The following DNHD1 variants were observed in gnomAD, a reference collection of about 807,000 sequenced individuals.
DNHD1 encodes dynein heavy chain domain 1, also known as dynein heavy chain domain-containing protein 1.
A neutral mutation model predicts 458.1 loss-of-function variants in DNHD1; 383 were observed. That is an observed-to-expected ratio of 0.84 (90% confidence interval 0.77 to 0.91). DNHD1 has a LOEUF of 0.91. Among genes scored for constraint, DNHD1 ranks in the 40% least tolerant of loss-of-function variants. DNHD1 has a pLI of 0.00. For synonymous variants in DNHD1, 2,203 were observed against 2,376.9 expected (o/e 0.93, Z 2.13); for missense variants, 5,336 against 5,866.1 (o/e 0.91, Z 2.95).
chr11:6,517,717 G>T (rs11040907), intron 7 of DNHD1, among the ~76,000 whole-genome samples: 11 of 122,390 alleles, frequency 9.0e-5, no homozygotes, highest in African/African-American at 3.1e-4. Context: ...TGAGACTGGA[G>T]ACCTCATGAT....
In DNHD1 at chr11:6,563,148, G is replaced by A. The variant is rs537091108; in HGVS notation, c.9669+17G>A. On this transcript the variant is annotated intron_variant, in intron 29 of 42. Transcript: ENST00000254579. The stretch of plus-strand genomic sequence containing the variant: ...CTGGAGCAGGTGGGCTCTTCCTGCC[G>A]CCTGCCCTGCACTGCTCCTCTCTCA... 68 of 1,551,568 alleles carry A rather than the reference G, an allele frequency of 4.4e-5. 1 individual carries two copies. In the Middle Eastern group the frequency reaches 1.0e-3, roughly 23 times the overall value.
chr11:6,538,459 C>G lies in DNHD1; in HGVS notation c.3075C>G (p.Tyr1025Ter). 6.4e-7 allele frequency: 1 copy of G among 1,551,780 alleles called. No homozygotes were observed. The part of the protein sequence containing the change: ...IVQQQRIWHL[Y>*]RVISENISEW... ...AGCAGCAGCGCATATGGCACCTGTA[C>G]CGAGTCATCTCCGAAAACATCAGCG... Residue 1025 changes from tyrosine (Y) to a stop codon, truncating the protein, a stop_gained, in exon 15 of 43, where the codon TAC (tyrosine) becomes TAG (stop). Transcript: ENST00000254579. LOFTEE classifies it high-confidence loss of function.
Position 6,563,147 on chromosome 11 carries a change from C to T in DNHD1, c.9669+16C>T, listed in dbSNP as rs568453824. On this transcript the variant is annotated intron_variant, in intron 29 of 42. Coordinates refer to ENST00000254579, the MANE Select transcript of DNHD1 (RefSeq NM_144666.3). ...CCTGGAGCAGGTGGGCTCTTCCTGC[C>T]GCCTGCCCTGCACTGCTCCTCTCTC... 1.7e-5 allele frequency: 27 copies of T among 1,551,580 alleles called. No homozygotes were observed. The highest frequency in any genetic ancestry group is 3.3e-4 in the Middle Eastern group (2 of 5,990).
rs1853641503 is a variant in DNHD1, at chr11:6,564,057, A to G, written c.10217A>G (p.Gln3406Arg). ...ACCCTCAGTCAAGCACAGTGTGGGC[A>G]GTATCACAAATGGCCCATGAAGGCT... ...AKTLSQAQCGQYHKWPMKAAL... is the reference protein window; with the variant it reads ...AKTLSQAQCGRYHKWPMKAAL... Residue 3406 changes from glutamine (Q) to arginine (R), a missense_variant, in exon 31 of 43, where the codon CAG (glutamine) becomes CGG (arginine). Gln to Arg is a conservative substitution (Grantham distance 43). Transcript: ENST00000254579. 5 of 1,551,602 alleles carry G rather than the reference A, an allele frequency of 3.2e-6. No homozygotes were observed. The highest frequency in any genetic ancestry group is 3.5e-6 in the Non-Finnish European group (4 of 1,147,014).
In DNHD1 at chr11:6,545,440, G is replaced by A. The variant is rs1429381966; in HGVS notation, c.4501G>A (p.Asp1501Asn). 8.4e-6 allele frequency: 13 copies of A among 1,551,742 alleles called. No homozygotes were observed. Among genetic ancestry groups the A allele is most frequent in the Non-Finnish European group, 9.6e-6 (11 of 1,147,046 alleles). ...GCAACTGTATGTCCAGCACTGGATCGACTTAGTCCAGGCCTTCCCATGGCA... is the reference window on the plus strand; with the variant it reads ...GCAACTGTATGTCCAGCACTGGATCAACTTAGTCCAGGCCTTCCCATGGCA... The part of the protein sequence containing the change: ...YLQLYVQHWI[D>N]LVQAFPWQCV... The change falls in exon 21 of 43, where the codon GAC (aspartate) becomes AAC (asparagine). Residue 1501 changes from aspartate to asparagine, a missense_variant. By Grantham distance (23) the Asp-to-Asn change is conservative. Coordinates refer to ENST00000254579, the MANE Select transcript of DNHD1 (RefSeq NM_144666.3). This position sits in a 1 kb window ranked among gnomAD's most constrained non-coding sequence, Gnocchi z 4.9.
chr11:6,568,807 T>C lies in DNHD1; in HGVS notation c.12804T>C (p.His4268=), dbSNP rs770508027. The change falls in exon 39 of 43, where the codon CAT becomes CAC. Residue 4268 remains histidine, a synonymous_variant. Coordinates refer to ENST00000254579, the MANE Select transcript of DNHD1 (RefSeq NM_144666.3). ...AGGCACTACCTCTGCTCCTCCTCCA[T>C]GGCCTCCTGCTACACCGGCAGCTCT... The part of the protein sequence containing the change: ...PTQALPLLLL[H]GLLLHRQLYG... 1.2e-6 allele frequency: 2 copies of C among 1,613,372 alleles called. No individual in the cohort carries two copies. Among genetic ancestry groups the C allele is most frequent in the African/African-American group, 2.7e-5 (2 of 74,992 alleles).
rs567935715 is a variant in DNHD1 at position 6,558,340 on chromosome 11, G to A, written c.9002+43G>A. On this transcript the variant is annotated intron_variant, in intron 25 of 42. Coordinates refer to ENST00000254579, the MANE Select transcript of DNHD1 (RefSeq NM_144666.3). Reference sequence around the variant, plus strand: ...ATATGCGAATCTGCTCTGCTCTTACGCTGTCTTGGCCAAAAGGCCAAAAGG... The same window carrying A: ...ATATGCGAATCTGCTCTGCTCTTACACTGTCTTGGCCAAAAGGCCAAAAGG... The A allele has an allele frequency of 3.3e-6, 5 of 1,537,712 alleles. No individual in the cohort carries two copies. The African/African-American group carries it at 4.1e-5, about 13-fold the overall frequency.
chr11:6,527,709 G>A (rs1012233121), intron 10 of DNHD1, among the ~76,000 whole-genome samples: 1 of 152,250 alleles, frequency 6.6e-6, no homozygotes, highest in South Asian at 2.1e-4. Flanking sequence ...TTCCTAGAGA[G>A]TGAGTACAGT....
In DNHD1 at chr11:6,558,509, C is replaced by T. The variant is rs1265684575; in HGVS notation, c.9027C>T (p.His3009=). The T allele has an allele frequency of 1.9e-6, 3 of 1,551,614 alleles. No homozygotes were observed. In the East Asian group the frequency reaches 7.3e-5, roughly 38 times the overall value. ...LQRFHQQVCS[H]LHLFFLIGDK... is the part of the protein sequence containing the mutation. ...GGTTCCACCAGCAAGTGTGCAGCCA[C>T]CTTCACCTGTTCTTCCTGATTGGAG... is the stretch of plus-strand genomic sequence containing the variant. The change falls in exon 26 of 43, where the codon CAC becomes CAT. Residue 3009 remains histidine (H), a synonymous_variant. Coordinates refer to ENST00000254579, the MANE Select transcript of DNHD1 (RefSeq NM_144666.3).
At chr11:6,551,681 G>C (rs918747026) in intron 24 of DNHD1, among the ~76,000 whole-genome samples, 2 of 152,148 alleles carry the variant, frequency 1.3e-5, no homozygotes, top group African/African-American at 4.8e-5. Context: ...TGTGGCTCAC[G>C]CCTGTAATCC....
At position 6,540,034 on chromosome 11, in the gene DNHD1, C is replaced by T. The variant is rs376703282; in HGVS notation, c.3579C>T (p.Ser1193=). Residue 1193 remains serine (S), a synonymous_variant, in exon 18 of 43, where the codon AGC becomes AGT. Coordinates refer to ENST00000254579, the MANE Select transcript of DNHD1 (RefSeq NM_144666.3). ...SERSKRQVLR[S]PQWEVVDKDS... The stretch of plus-strand genomic sequence containing the variant: ...GCTCCAAGAGGCAGGTGCTCCGCAG[C>T]CCCCAATGGGAGGTAGTGGACAAAG... 37 of 1,551,548 alleles carry T rather than the reference C, an allele frequency of 2.4e-5. No homozygotes were observed. The highest frequency in any genetic ancestry group is 2.5e-5 in the Non-Finnish European group (29 of 1,146,918).
intron 40 of DNHD1, 60 bp downstream of exon 40, chr11:6,570,160 G>A: frequency 3.7e-6 from 6 of 1,613,360 alleles, no homozygotes; most frequent in Non-Finnish European, 4.2e-6. Context: ...GGAAGAGGGT[G>A]GGGGTGGGAT....
At chr11:6,524,152 T>C (rs2134401043) in intron 10 of DNHD1, among the ~76,000 whole-genome samples, 1 of 152,358 alleles carries the variant, frequency 6.6e-6, no homozygotes, top group East Asian at 1.9e-4. Flanking sequence ...TGACTTTGTA[T>C]AGCACCATAT....
Position 6,498,358 on chromosome 11 carries a change from C to CA in DNHD1, c.144dup (p.Val49SerfsTer3), listed in dbSNP as rs1328242436. 1 of 1,614,220 alleles carries CA rather than the reference C, an allele frequency of 6.2e-7. No individual in the cohort carries two copies. Among genetic ancestry groups the CA allele is most frequent in the African/African-American group, 1.3e-5 (1 of 75,046 alleles). On this transcript the variant is annotated frameshift_variant, in exon 3 of 43. Transcript: ENST00000254579. LOFTEE classifies it high-confidence loss of function. Reference sequence around the variant, plus strand: ...CAGAAACAGAGGCAGTTCGTGAAGCCAGTGACTGAGTCAGAGCAGCCCACA... The same window carrying CA: ...CAGAAACAGAGGCAGTTCGTGAAGCCAAGTGACTGAGTCAGAGCAGCCCACA...
chr11:6,560,150 T>C (rs1853556740), intron 28 of DNHD1, among the ~76,000 whole-genome samples: 1 of 152,202 alleles, frequency 6.6e-6, no homozygotes, highest in South Asian at 2.1e-4. Flanking sequence ...TTTTTCCTAC[T>C]ACACAAGATG....
In DNHD1 at chr11:6,498,518, C is replaced by A. The variant is rs1460579676; in HGVS notation, c.303C>A (p.His101Gln). 25 of 1,614,114 alleles carry A rather than the reference C, an allele frequency of 1.5e-5. No homozygotes were observed. The highest frequency in any genetic ancestry group is 2.1e-5 in the Non-Finnish European group (25 of 1,180,054). Residue 101 changes from histidine (H) to glutamine (Q), a missense_variant, in exon 3 of 43, where the codon CAC becomes CAA. His to Gln is a conservative substitution (Grantham distance 24). Coordinates refer to ENST00000254579, the MANE Select transcript of DNHD1 (RefSeq NM_144666.3). ...CATATCGTGAGTTGCTAGTTGGCCA[C>A]CTTGATTTGCTGCCCTTCCTGGAGC... ...LPPYRELLVG[H>Q]LDLLPFLEQL...
At chr11:6,500,179 A>G (rs926686395) in intron 3 of DNHD1, among the ~76,000 whole-genome samples, 1 of 151,964 alleles carries the variant, frequency 6.6e-6, no homozygotes, top group Non-Finnish European at 1.5e-5. Context: ...TGACCAGGCT[A>G]GGTTTCCAAC....
At chr11:6,510,584 G>A (rs796780703) in intron 6 of DNHD1, among the ~76,000 whole-genome samples, 2 of 152,278 alleles carry the variant, frequency 1.3e-5, no homozygotes, top group African/African-American at 4.8e-5. Context: ...TTGAGTACTA[G>A]CAAGGGACTT....
At chr11:6,512,343 C>T (rs937106420) in intron 7 of DNHD1, among the ~76,000 whole-genome samples, 3 of 150,070 alleles carry the variant, frequency 2.0e-5, no homozygotes, top group Admixed American at 6.7e-5. Context: ...GCCTCAGCCT[C>T]CCAAGTAGCT....
Sources: allele counts gnomAD v4.1 joint callset (sites outside exome capture counted in the v4.1 genomes callset), GRCh38; gene constraint gnomAD v4.1.1; non-coding constraint Gnocchi (gnomAD v3.1); transcripts MANE v1.5; gene names NCBI Gene and HGNC (gene_info 2026-07-23, HGNC 2026-07-21).